DNAH7: variants seen among roughly 807,000 people sequenced by gnomAD.
The protein encoded by DNAH7 is dynein axonemal heavy chain 7.
A neutral mutation model predicts 444.6 loss-of-function variants in DNAH7; 397 were observed. The observed-to-expected ratio is 0.89, with a 90% CI of 0.82 to 0.97. The LOEUF (loss-of-function observed/expected upper bound fraction) is 0.97, where lower values mean the gene tolerates loss of function less well. Among genes scored for constraint, DNAH7 ranks in the 50% least tolerant of loss-of-function variants. The pLI is 0.00. For missense variants in DNAH7, 4,902 were observed against 4,800.8 expected, an observed-to-expected ratio of 1.02 and a Z score of -0.62; for synonymous variants, 1,636 against 1,624.4, an observed-to-expected ratio of 1.01 and a Z score of -0.17.
chr2:195,869,472 G>A (rs762519481), intron 40 of DNAH7, among the ~76,000 whole-genome samples: 4 of 151,904 alleles, frequency 2.6e-5, no homozygotes, highest in Non-Finnish European at 4.4e-5. Flanking sequence ...CACATATAAC[G>A]AATGAATTCT....
chr2:195,822,353 C>A (rs1279491077), intron 49 of DNAH7, among the ~76,000 whole-genome samples: 2 of 152,116 alleles, frequency 1.3e-5, no homozygotes, highest in African/African-American at 4.8e-5. Context: ...ATGTTGGGTC[C>A]TTTCACATCA....
chr2:196,061,977 A>T (rs1698158999), intron 1 of DNAH7, among the ~76,000 whole-genome samples: 1 of 152,156 alleles, frequency 6.6e-6, no homozygotes, highest in African/African-American at 2.4e-5. Context: ...AAATCTACCT[A>T]ACAGCCTAGT....
At position 195,872,355 on chromosome 2, in the gene DNAH7, GTAGTGAGA is replaced by G; in HGVS notation, c.6520_6527del (p.Ser2174LeufsTer6). 1.2e-6 allele frequency: 2 copies of G among 1,613,900 alleles called. No individual in the cohort carries two copies. Among genetic ancestry groups the G allele is most frequent in the Non-Finnish European group, 1.7e-6 (2 of 1,179,868 alleles). On this transcript the variant is annotated frameshift_variant, in exon 40 of 65. Coordinates refer to ENST00000312428, the MANE Select transcript of DNAH7 (RefSeq NM_018897.3). LOFTEE classifies it high-confidence loss of function. ...GGGAGAAATCACGGAGGTTGAACAAGTAGTGAGATTTAGCTGGAGTAGGCAAGAGATTC... is the reference window on the plus strand; with the variant it reads ...GGGAGAAATCACGGAGGTTGAACAAGTTTAGCTGGAGTAGGCAAGAGATTC...
Position 195,888,967 on chromosome 2 carries a change from T to C in DNAH7, c.5061A>G (p.Lys1687=), listed in dbSNP as rs747674267. 7.4e-6 allele frequency: 12 copies of C among 1,612,698 alleles called. No individual in the cohort carries two copies. The highest frequency in any genetic ancestry group is 1.0e-5 in the Non-Finnish European group (12 of 1,179,568). ...CTACTGGGCCATCAAAAATTAACCA[T>C]TTCCTATCTGGAGTCTGTTTCATGC... is the stretch of plus-strand genomic sequence containing the variant. The part of the protein sequence containing the change: ...AFASSVTPDR[K]WLIFDGPVDA... Residue 1687 remains lysine (K), a synonymous_variant, in exon 32 of 65, where the codon AAA becomes AAG. Coordinates refer to ENST00000312428, the MANE Select transcript of DNAH7 (RefSeq NM_018897.3).
intron 51 of DNAH7, among the ~76,000 whole-genome samples, chr2:195,815,738 C>T (rs373319217): frequency 5.9e-5 from 9 of 151,990 alleles, no homozygotes; most frequent in African/African-American, 2.2e-4. Context: ...CATGGTGGCT[C>T]ACGCCTGTAA....
intron 19 of DNAH7, among the ~76,000 whole-genome samples, chr2:195,947,439 C>T (rs2125461093): frequency 6.6e-6 from 1 of 152,196 alleles, no homozygotes; most frequent in East Asian, 1.9e-4. Context: ...GCTATCCCTC[C>T]CCTACCCCTT....
At chr2:195,829,419 T>G (rs1697952652) in intron 48 of DNAH7, among the ~76,000 whole-genome samples, 2 of 152,098 alleles carry the variant, frequency 1.3e-5, no homozygotes, top group African/African-American at 4.8e-5. Flanking sequence ...GTTTCTTGTT[T>G]TATGGCACTG....
chr2:195,882,562 A>G (rs1701449185), intron 35 of DNAH7, among the ~76,000 whole-genome samples: 1 of 152,232 alleles, frequency 6.6e-6, no homozygotes, highest in Non-Finnish European at 1.5e-5. Context: ...ACAGATCTCT[A>G]GAACAGGCAA....
At chr2:195,926,609 C>A in intron 21 of DNAH7, 43 bp from the exon 22 acceptor site, 1 of 1,517,280 alleles carries the variant, frequency 6.6e-7, no homozygotes, top group Non-Finnish European at 8.8e-7. Flanking sequence ...ATTTCCTGAA[C>A]AAGTTATACA....
At position 195,906,734 on chromosome 2, in the gene DNAH7, A is replaced by C. The variant is rs777165576; in HGVS notation, c.4260T>G (p.Leu1420=). Residue 1420 remains leucine, a synonymous_variant, in exon 27 of 65, where the codon CTT becomes CTG. Transcript: ENST00000312428. ...TTATAAAGACAGCACATGTGGGGTC[A>C]AGTTTTAGTTCAGTTCCTTCAAACA... ...ILMFEGTELK[L]DPTCAVFITM... is the part of the protein sequence containing the mutation. The C allele has an allele frequency of 6.8e-6, 11 of 1,613,452 alleles. No homozygotes were observed. In the African/African-American group the frequency reaches 1.1e-4, roughly 16 times the overall value.
chr2:196,036,343 T>C (rs1399279179), intron 5 of DNAH7, among the ~76,000 whole-genome samples: 1 of 152,020 alleles, frequency 6.6e-6, no homozygotes, highest in East Asian at 1.9e-4. Context: ...CTCCACATTC[T>C]TAAGGCCCCA....
rs1196749888 is a variant in DNAH7, at chr2:195,740,819, TC to T, written c.11814del (p.Ile3939SerfsTer18). 1.3e-6 allele frequency: 2 copies of T among 1,569,650 alleles called. No individual in the cohort carries two copies. Among genetic ancestry groups the T allele is most frequent in the Non-Finnish European group, 1.7e-6 (2 of 1,156,726 alleles). ...GGATGCGATTCTGCAAGTTTCTTGA[TC>T]TTTCTATTCCAGGAAGCTCCATCCA... ...LFLDGASWNRKIKKLAESHPK... is the reference protein window; with the variant it reads ...LFLDGASWNRXIKKLAESHPK... On this transcript the variant is annotated frameshift_variant, in exon 64 of 65. Transcript: ENST00000312428. LOFTEE classifies it high-confidence loss of function.
chr2:195,881,995 G>C lies in DNAH7; in HGVS notation c.5764-3C>G. 1 of 1,611,048 alleles carries C rather than the reference G, an allele frequency of 6.2e-7. No homozygotes were observed. Among genetic ancestry groups the C allele is most frequent in the Non-Finnish European group, 8.5e-7 (1 of 1,178,006 alleles). On this transcript the variant is annotated splice_region_variant and splice_polypyrimidine_tract_variant and intron_variant, in intron 35 of 64. Coordinates refer to ENST00000312428, the MANE Select transcript of DNAH7 (RefSeq NM_018897.3). ...CATGGTTCCCATTTTCCTATTCCCTGTTTATAATTAACAACCAAGTAATGA... is the reference window on the plus strand; with the variant it reads ...CATGGTTCCCATTTTCCTATTCCCTCTTTATAATTAACAACCAAGTAATGA...
intron 23 of DNAH7, among the ~76,000 whole-genome samples, chr2:195,923,139 C>T (rs1321960695): frequency 1.3e-5 from 2 of 152,142 alleles, no homozygotes; most frequent in Admixed American, 6.5e-5. Flanking sequence ...GCCAGGATTA[C>T]AGGCGTGAGT....
intron 19 of DNAH7, among the ~76,000 whole-genome samples, chr2:195,948,118 C>T (rs1470909344): frequency 6.6e-6 from 1 of 152,002 alleles, no homozygotes; most frequent in Non-Finnish European, 1.5e-5. Flanking sequence ...GTTCACATGC[C>T]TTGCCCACTT....
At chr2:195,938,344 T>TCACACACACACACACA (rs68056425) in intron 19 of DNAH7, among the ~76,000 whole-genome samples, 73 of 134,176 alleles carry the variant, frequency 5.4e-4, no homozygotes, top group African/African-American at 1.7e-3. Flanking sequence ...AAATAGACAT[T>TCACACACACACACACA]CACACACACA....
At chr2:195,896,360 G>GT (rs35192589) in intron 29 of DNAH7, among the ~76,000 whole-genome samples, 2,751 of 144,320 alleles carry the variant, frequency 0.019, 62 homozygotes, top group African/African-American at 0.052. Context: ...TCAAAGAGTA[G>GT]TTTTTTTTTT....
intron 19 of DNAH7, among the ~76,000 whole-genome samples, chr2:195,937,015 G>A (rs973122357): frequency 1.3e-5 from 2 of 151,998 alleles, no homozygotes; most frequent in Non-Finnish European, 2.9e-5. Context: ...TGTTCATAAC[G>A]ATTCTCATTC....
chr2:195,908,653 C>T (rs1687181127), intron 25 of DNAH7, among the ~76,000 whole-genome samples: 1 of 151,996 alleles, frequency 6.6e-6, no homozygotes, highest in Admixed American at 6.6e-5. Context: ...TATAGATATA[C>T]CCCATTTTCT....
Sources: gnomAD v4.1 joint callset for allele counts (sites outside exome capture counted in the v4.1 genomes callset) on GRCh38, gnomAD v4.1.1 for gene constraint, MANE v1.5 for transcripts, NCBI Gene and HGNC (gene_info 2026-07-23, HGNC 2026-07-21) for gene names.